RPH3A: variants seen among roughly 807,000 people sequenced by gnomAD.
RPH3A encodes rabphilin 3A.
A neutral mutation model predicts 102.2 loss-of-function variants in RPH3A; 48 were observed. The observed-to-expected ratio is 0.47, with a 90% CI of 0.37 to 0.60. The LOEUF is 0.60. Among genes scored for constraint, RPH3A ranks in the 20% least tolerant of loss-of-function variants. RPH3A has a pLI of 0.00. For missense variants in RPH3A, 781 were observed against 910.1 expected, an observed-to-expected ratio of 0.86 and a Z score of 1.83; for synonymous variants, 310 against 324.3, an observed-to-expected ratio of 0.96 and a Z score of 0.47.
intron 6 of RPH3A, among the ~76,000 whole-genome samples, chr12:112,866,244 T>C (rs762229478): frequency 6.6e-6 from 1 of 152,198 alleles, no homozygotes; most frequent in Non-Finnish European, 1.5e-5. Context: ...GTCAACTCGA[T>C]AGCGAGAATT....
chr12:112,800,669 T>A (rs1284303171), intron 2 of RPH3A, among the ~76,000 whole-genome samples: 1 of 151,616 alleles, frequency 6.6e-6, no homozygotes, highest in Non-Finnish European at 1.5e-5. Context: ...GGTGGTGACA[T>A]TTGGGGTGAA....
rs1565937108 is a variant in RPH3A at position 112,876,781 on chromosome 12, T to G, written c.1086T>G (p.Ala362=). Reference sequence around the variant, plus strand: ...GACCCTATTCCCAAGCATCTGCAGCTGCCCCCCAGCCTGCTGCAGCCCGCC... The same window carrying G: ...GACCCTATTCCCAAGCATCTGCAGCGGCCCCCCAGCCTGCTGCAGCCCGCC... ...PSGPYSQASA[A]APQPAAARQP... The change falls in exon 13 of 22, where the codon GCT becomes GCG. Residue 362 remains alanine, a synonymous_variant. Transcript: ENST00000389385. 1.3e-5 allele frequency: 21 copies of G among 1,611,096 alleles called. No homozygotes were observed. The highest frequency in any genetic ancestry group is 1.8e-5 in the Non-Finnish European group (21 of 1,178,704).
upstream of RPH3A, among the ~76,000 whole-genome samples, chr12:112,789,957 G>A (rs920693989): frequency 2.0e-5 from 3 of 152,040 alleles, no homozygotes; most frequent in Non-Finnish European, 4.4e-5. Context: ...TACTGGACAG[G>A]CTGGGGTGGG....
At chr12:112,767,283 T>C (rs1009086393) in intron 1 of RPH3A, among the ~76,000 whole-genome samples, 3 of 152,174 alleles carry the variant, frequency 2.0e-5, no homozygotes, top group African/African-American at 7.2e-5. Context: ...AGGTCAGCTG[T>C]GGGGAGGGCA....
chr12:112,661,556 C>T (rs1449859420), intron 1 of RPH3A, among the ~76,000 whole-genome samples: 1 of 152,018 alleles, frequency 6.6e-6, no homozygotes, highest in Non-Finnish European at 1.5e-5. Context: ...ATTTAAAAGG[C>T]AAAAATAGCA....
intron 1 of RPH3A, among the ~76,000 whole-genome samples, chr12:112,678,303 A>AGAGAGAGAGAGAGAG (rs1555283198): frequency 6.8e-4 from 34 of 50,162 alleles, no homozygotes; most frequent in South Asian, 2.4e-3. Context: ...GAAAGAAAGA[A>AGAGAGAGAGAGAGAG]AGAGAGAGAG....
intron 1 of RPH3A, among the ~76,000 whole-genome samples, chr12:112,705,874 A>G (rs1173893076): frequency 1.3e-5 from 2 of 152,144 alleles, no homozygotes; most frequent in South Asian, 2.1e-4. Flanking sequence ...CCATCCATTC[A>G]TCCACCACTC....
intron 2 of RPH3A, among the ~76,000 whole-genome samples, chr12:112,822,352 A>G (rs2041796112): frequency 6.6e-6 from 1 of 152,254 alleles, no homozygotes; most frequent in African/African-American, 2.4e-5. Context: ...AGTGCTGCAT[A>G]AAATCCCTGC....
chr12:112,772,035 C>A (rs1000739931), intron 1 of RPH3A, among the ~76,000 whole-genome samples: 1 of 152,192 alleles, frequency 6.6e-6, no homozygotes, highest in African/African-American at 2.4e-5. Flanking sequence ...CATTGCCCTA[C>A]AATGATGACA....
At chr12:112,718,598 G>C (rs1423393728) in intron 1 of RPH3A, among the ~76,000 whole-genome samples, 1 of 152,214 alleles carries the variant, frequency 6.6e-6, no homozygotes, top group Non-Finnish European at 1.5e-5. Flanking sequence ...TCCTTCAGTT[G>C]AGAACTATTG....
intron 2 of RPH3A, among the ~76,000 whole-genome samples, chr12:112,821,555 C>G (rs560413548): frequency 6.6e-6 from 1 of 152,288 alleles, no homozygotes; most frequent in Non-Finnish European, 1.5e-5. Flanking sequence ...GAAATGCTCT[C>G]CCCCAGATGG....
intron 1 of RPH3A, among the ~76,000 whole-genome samples, chr12:112,611,827 A>C (rs1385343518): frequency 1.3e-5 from 2 of 149,724 alleles, no homozygotes; most frequent in Non-Finnish European, 2.9e-5. Flanking sequence ...CCTAGCCAGC[A>C]AGAAAAAAAA....
At chr12:112,601,931 A>T (rs2039562275) in intron 1 of RPH3A, among the ~76,000 whole-genome samples, 1 of 152,134 alleles carries the variant, frequency 6.6e-6, no homozygotes, top group Non-Finnish European at 1.5e-5. Flanking sequence ...ACAGAGCGAG[A>T]CTTTGTCTCC....
chr12:112,741,707 C>T (rs1253593451), intron 1 of RPH3A, among the ~76,000 whole-genome samples: 4 of 152,090 alleles, frequency 2.6e-5, no homozygotes, highest in Admixed American at 6.5e-5. Context: ...ATGTCAGAAG[C>T]CTCTGACTCT....
At chr12:112,861,032 C>T (rs2136211946) in intron 5 of RPH3A, among the ~76,000 whole-genome samples, 1 of 152,284 alleles carries the variant, frequency 6.6e-6, no homozygotes, top group African/African-American at 2.4e-5. Flanking sequence ...CAAAGGAAAT[C>T]TAATTCAACA....
At chr12:112,800,945 C>T (rs1565888343) in intron 2 of RPH3A, among the ~76,000 whole-genome samples, 1 of 152,156 alleles carries the variant, frequency 6.6e-6, no homozygotes, top group Non-Finnish European at 1.5e-5. Flanking sequence ...CGGTTCCCCT[C>T]TCCCCGGAAG....
chr12:112,620,697 T>C (rs367908822), intron 1 of RPH3A, among the ~76,000 whole-genome samples: 3 of 152,190 alleles, frequency 2.0e-5, no homozygotes, highest in African/African-American at 7.2e-5. Context: ...TCCAAACTCC[T>C]GATATTCACT....
intron 1 of RPH3A, among the ~76,000 whole-genome samples, chr12:112,686,464 G>T (rs796564402): frequency 6.6e-6 from 1 of 152,146 alleles, no homozygotes; most frequent in African/African-American, 2.4e-5. Flanking sequence ...AGATGCATGC[G>T]GGGGCTTGAA....
At chr12:112,831,179 A>G (rs1013877111) in intron 3 of RPH3A, among the ~76,000 whole-genome samples, 8 of 122,394 alleles carry the variant, frequency 6.5e-5, no homozygotes, top group Admixed American at 4.3e-4. Flanking sequence ...GATCCATTAC[A>G]TAGTTTAACT....
Sources: allele counts gnomAD v4.1 joint callset (sites outside exome capture counted in the v4.1 genomes callset), GRCh38; gene constraint gnomAD v4.1.1; transcripts MANE v1.5; gene names NCBI Gene and HGNC (gene_info 2026-07-23, HGNC 2026-07-21).